The following DEPTOR variants were observed in gnomAD, a reference collection of about 807,000 sequenced individuals.
DEPTOR encodes the protein DEP domain-containing mTOR-interacting protein.
Under a neutral mutation model 41.6 loss-of-function variants are expected in DEPTOR, and 41 were observed. That is an observed-to-expected ratio of 0.98 (90% CI 0.77 to 1.28). DEPTOR has a LOEUF of 1.28. Among genes scored for constraint, DEPTOR ranks in the 50% most tolerant of loss-of-function variants. The pLI is 0.00. For missense variants in DEPTOR, 514 were observed against 527.9 expected (o/e 0.97, Z 0.26); for synonymous variants, 195 against 192.3 (o/e 1.01, Z -0.12).
At chr8:120,021,790 G>A (rs1267724316) in intron 8 of DEPTOR, among the ~76,000 whole-genome samples, 1 of 152,168 alleles carries the variant, frequency 6.6e-6, no homozygotes, top group Non-Finnish European at 1.5e-5. Flanking sequence ...TCAAGCCCAT[G>A]CCCATATCAT....
intron 3 of DEPTOR, among the ~76,000 whole-genome samples, chr8:119,941,813 A>G (rs1462354195): frequency 6.6e-6 from 1 of 152,242 alleles, no homozygotes. Context: ...ACAGCTGGAA[A>G]GTGTGGGAGA....
In DEPTOR at chr8:119,889,557, A is replaced by AAGAGG. The variant is rs147034483; in HGVS notation, c.122+15603_122+15607dup. Among the ~76,000 whole-genome samples, 281 of 95,896 alleles carry AAGAGG rather than the reference A, an allele frequency of 2.9e-3. 3 individuals are homozygous for AAGAGG. Among genetic ancestry groups the AAGAGG allele is most frequent in the African/African-American group, 8.8e-3 (249 of 28,268 alleles). 62.9% of individuals were successfully genotyped at this position (95,896 alleles called of 152,430 possible). Reference sequence around the variant, plus strand: ...GCGAGAGCTTGTCTCAGAAAGGAAAAAGAGGAGAGGAGAGGAGACGGGAGG... The same window carrying AAGAGG: ...GCGAGAGCTTGTCTCAGAAAGGAAAAAGAGGAGAGGAGAGGAGAGGAGACGGGAGG... On this transcript the variant is annotated intron_variant, in intron 1 of 8. Coordinates refer to ENST00000286234, the MANE Select transcript of DEPTOR (RefSeq NM_022783.4).
At chr8:119,959,078 C>T (rs990014718) in intron 3 of DEPTOR, among the ~76,000 whole-genome samples, 4 of 151,664 alleles carry the variant, frequency 2.6e-5, no homozygotes, top group Admixed American at 1.3e-4. Context: ...AAATTCATAT[C>T]GCTTATACCA....
chr8:119,978,219 T>G (rs1000535877), intron 4 of DEPTOR, among the ~76,000 whole-genome samples: 2 of 152,120 alleles, frequency 1.3e-5, no homozygotes, highest in Non-Finnish European at 2.9e-5. Context: ...GCACAATATC[T>G]CTATGCAGTT....
At chr8:119,917,687 C>G (rs1306879733) in intron 1 of DEPTOR, among the ~76,000 whole-genome samples, 5 of 152,174 alleles carry the variant, frequency 3.3e-5, no homozygotes, top group Admixed American at 3.3e-4. Flanking sequence ...AGGGAAAGAC[C>G]TGACCTTTCC....
intron 8 of DEPTOR, among the ~76,000 whole-genome samples, chr8:120,017,477 C>T (rs1033065452): frequency 5.3e-5 from 8 of 152,160 alleles, no homozygotes; most frequent in African/African-American, 1.9e-4. Context: ...CTCATAGATG[C>T]GTGACCTTTC....
At chr8:119,937,427 TAG>T (rs1441909856) in intron 3 of DEPTOR, among the ~76,000 whole-genome samples, 1 of 152,202 alleles carries the variant, frequency 6.6e-6, no homozygotes. Context: ...AATATATGCA[TAG>T]ATATGCACTT....
intron 4 of DEPTOR, among the ~76,000 whole-genome samples, chr8:119,984,386 T>G (rs1215270848): frequency 1.3e-5 from 2 of 152,200 alleles, no homozygotes; most frequent in East Asian, 1.9e-4. Flanking sequence ...GTCATCTACA[T>G]TAGGTATTTC....
intron 8 of DEPTOR, among the ~76,000 whole-genome samples, chr8:120,032,869 C>G (rs1280034464): frequency 6.6e-6 from 1 of 152,016 alleles, no homozygotes; most frequent in Non-Finnish European, 1.5e-5. Flanking sequence ...CTGTTTTGGC[C>G]AAGTTGACAC....
At chr8:120,049,321 A>G (rs1379543572) in intron 8 of DEPTOR, among the ~76,000 whole-genome samples, 2 of 152,064 alleles carry the variant, frequency 1.3e-5, no homozygotes, top group Middle Eastern at 3.2e-3. Flanking sequence ...AATACTAGCT[A>G]AAGCTAGTAT....
chr8:119,963,722 A>T (rs1385419483), intron 3 of DEPTOR, among the ~76,000 whole-genome samples: 1 of 152,164 alleles, frequency 6.6e-6, no homozygotes, highest in African/African-American at 2.4e-5. Flanking sequence ...ATATGGATGC[A>T]TAGGGGAACA....
chr8:119,904,777 T>C (rs1414517572), intron 1 of DEPTOR, among the ~76,000 whole-genome samples: 1 of 151,956 alleles, frequency 6.6e-6, no homozygotes, highest in Non-Finnish European at 1.5e-5. Flanking sequence ...ATTACAGGCA[T>C]GAGCCATTTT....
At chr8:119,899,228 G>A (rs1015129023) in intron 1 of DEPTOR, among the ~76,000 whole-genome samples, 1 of 152,104 alleles carries the variant, frequency 6.6e-6, no homozygotes, top group African/African-American at 2.4e-5. Flanking sequence ...CTCATGTTAT[G>A]AGACAAGAAA....
At chr8:119,954,873 T>C (rs1338352472) in intron 3 of DEPTOR, among the ~76,000 whole-genome samples, 3 of 151,846 alleles carry the variant, frequency 2.0e-5, no homozygotes, top group Non-Finnish European at 4.4e-5. Context: ...TGTGTGTGTG[T>C]GTTTTGAGAC....
Position 119,929,948 on chromosome 8 carries a change from G to T in DEPTOR, c.425+10G>T, listed in dbSNP as rs145763261. 5 of 1,604,518 alleles carry T rather than the reference G, an allele frequency of 3.1e-6. No homozygotes were observed. Among genetic ancestry groups the T allele is most frequent in the Admixed American group, 1.7e-5 (1 of 59,320 alleles). On this transcript the variant is annotated intron_variant, in intron 3 of 8. Transcript: ENST00000286234. ...AGAGGCTATATGAAAAGTATGTTCC[G>T]CATGAAATCCCCCCTGTAATCTTGA...
chr8:119,901,698 C>T (rs530426102), intron 1 of DEPTOR, among the ~76,000 whole-genome samples: 47 of 145,248 alleles, frequency 3.2e-4, no homozygotes, highest in African/African-American at 9.9e-4. Flanking sequence ...AAAAAAAGAA[C>T]GAAAGATGTG....
chr8:119,994,114 G>A (rs1482007541), intron 4 of DEPTOR, among the ~76,000 whole-genome samples: 1 of 150,914 alleles, frequency 6.6e-6, no homozygotes, highest in Admixed American at 6.6e-5. Flanking sequence ...TCCAGCCTGG[G>A]CAACGGAGCA....
intron 1 of DEPTOR, among the ~76,000 whole-genome samples, chr8:119,875,278 C>A (rs1473275778): frequency 6.6e-6 from 1 of 151,994 alleles, no homozygotes; most frequent in Non-Finnish European, 1.5e-5. Context: ...AGTCTAAAAA[C>A]GGAGTCAGCA....
chr8:119,975,493 G>A (rs527739572), intron 4 of DEPTOR, among the ~76,000 whole-genome samples: 5 of 152,228 alleles, frequency 3.3e-5, no homozygotes, highest in South Asian at 2.1e-4. Context: ...AGCACAGTGC[G>A]GAGTCGGTCA....
Sources: gnomAD v4.1 joint callset for allele counts (sites outside exome capture counted in the v4.1 genomes callset) on GRCh38, gnomAD v4.1.1 for gene constraint, MANE v1.5 for transcripts, NCBI Gene and HGNC (gene_info 2026-07-23, HGNC 2026-07-21) for gene names.